The following ZNF324B variants were observed in gnomAD, a reference collection of about 807,000 sequenced individuals.
The protein encoded by ZNF324B is zinc finger protein 324B.
Under a neutral mutation model 10.6 loss-of-function variants are expected in ZNF324B, and 7 were observed. That is an observed-to-expected ratio of 0.66 (90% CI 0.38 to 1.24). The LOEUF (loss-of-function observed/expected upper bound fraction) is 1.24, where lower values mean the gene tolerates loss of function less well. ZNF324B is among the 50% of genes most tolerant of loss of function. The probability of loss-of-function intolerance (pLI) is 0.02; values close to 1 mark genes in which losing one functional copy is unlikely to be tolerated. For synonymous variants in ZNF324B, 316 were observed against 321.0 expected (o/e 0.98, Z 0.17); for missense variants, 640 against 764.7 (o/e 0.84, Z 1.92).
the ZNF324B span, chr19:58,432,973 A>ATT: frequency 5.6e-6 from 1 of 178,652 alleles, no homozygotes; most frequent in Non-Finnish European, 1.2e-5. Flanking sequence ...CTCAAATTAG[A>ATT]TTTCCCTCAA....
the ZNF324B span, among the ~76,000 whole-genome samples, chr19:58,446,036 G>T: frequency 1.2e-4 from 18 of 152,350 alleles, no homozygotes; most frequent in East Asian, 3.5e-3. Context: ...TCAGGAGGCT[G>T]AGGCAGGAGA....
In ZNF324B at chr19:58,455,493, G is replaced by C; in HGVS notation, c.549G>C (p.Arg183=). The change falls in exon 4 of 4, where the codon CGG becomes CGC. Residue 183 remains arginine (R), a synonymous_variant. Transcript: ENST00000336614. This position sits in a 1 kb window ranked among gnomAD's most constrained non-coding sequence, Gnocchi z 7.0. Reference sequence around the variant, plus strand: ...GGGAAAAGACCTTCACAGAGTACCGGGTGCCTGGGAGGCAGCCCAGGACGC... The same window carrying C: ...GGGAAAAGACCTTCACAGAGTACCGCGTGCCTGGGAGGCAGCCCAGGACGC... ...RPREKTFTEY[R]VPGRQPRTPE... 1 of 1,614,062 alleles carries C rather than the reference G, an allele frequency of 6.2e-7. No individual in the cohort carries two copies. Among genetic ancestry groups the C allele is most frequent in the Non-Finnish European group, 8.5e-7 (1 of 1,179,974 alleles).
chr19:58,432,223 C>G, the ZNF324B span: 1 of 474,642 alleles, frequency 2.1e-6, no homozygotes, highest in Non-Finnish European at 4.2e-6. Flanking sequence ...GCTCCCAGTT[C>G]CTACCTGGGG....
chr19:58,427,497 T>TTCCTTC, the ZNF324B span, among the ~76,000 whole-genome samples: 67 of 64,308 alleles, frequency 1.0e-3, no homozygotes, highest in Middle Eastern at 5.3e-3. Context: ...TTCCTTCCTT[T>TTCCTTC]CTTTCTTTTT....
chr19:58,440,222 C>G, the ZNF324B span: 2 of 268,794 alleles, frequency 7.4e-6, no homozygotes, highest in African/African-American at 4.7e-5. Context: ...TTCATTGGCT[C>G]AAGGATCCCC....
the ZNF324B span, chr19:58,444,775 G>T: frequency 3.9e-5 from 6 of 152,262 alleles, no homozygotes; most frequent in African/African-American, 1.4e-4. Context: ...AATTGCAAGT[G>T]TATTATGAGC....
the ZNF324B span, among the ~76,000 whole-genome samples, chr19:58,426,677 G>T: frequency 1.3e-5 from 2 of 152,186 alleles, no homozygotes; most frequent in Admixed American, 6.5e-5. Flanking sequence ...TGAAGGAGAG[G>T]TATAGCTGAT....
chr19:58,427,381 T>C, the ZNF324B span, among the ~76,000 whole-genome samples: 2,236 of 51,872 alleles, frequency 0.043, 181 homozygotes, highest in African/African-American at 0.17. Context: ...TTTCTTTCTT[T>C]CTTTCTTTCT....
Position 58,456,382 on chromosome 19 carries a change from C to T in ZNF324B, c.1438C>T (p.Pro480Ser), listed in dbSNP as rs1458421552. ...CCGGCGCATTCACACGGGCGAGAAG[C>T]CCTTCGTGTGCACGCAGTGTGGCCG... ...SHRRIHTGEK[P>S]FVCTQCGRAF... Residue 480 changes from proline to serine, a missense_variant, in exon 4 of 4, where the codon CCC (proline) becomes TCC (serine). Physicochemically the swap from Pro to Ser is moderately conservative, Grantham distance 74. This residue lies in a region of ZNF324B where 238 missense variants were observed against 258.0 expected (regional missense o/e 0.92). Coordinates refer to ENST00000336614, the MANE Select transcript of ZNF324B (RefSeq NM_207395.3). This position sits in a 1 kb window ranked among gnomAD's most constrained non-coding sequence, Gnocchi z 4.7. 2.5e-6 allele frequency: 4 copies of T among 1,612,974 alleles called. No homozygotes were observed. The highest frequency in any genetic ancestry group is 1.3e-5 in the African/African-American group (1 of 74,950).
the ZNF324B span, among the ~76,000 whole-genome samples, chr19:58,427,245 C>T: frequency 6.6e-6 from 1 of 151,894 alleles, no homozygotes; most frequent in Non-Finnish European, 1.5e-5. Context: ...ATTCTCCTGC[C>T]TCCTGAGTAG....
chr19:58,440,081 A>G, the ZNF324B span: 3 of 496,188 alleles, frequency 6.0e-6, no homozygotes, highest in Non-Finnish European at 1.1e-5. Context: ...CCCTGCACCC[A>G]CTCCCGTGCC....
intron 1 of ZNF324B, 63 bp from the exon 2 acceptor site, chr19:58,453,633 G>C: frequency 6.2e-7 from 1 of 1,611,006 alleles, no homozygotes; most frequent in Non-Finnish European, 8.5e-7. Flanking sequence ...GGGATGGGGA[G>C]CTTGGTCCTG....
chr19:58,453,623 G>A (rs2052883578), intron 1 of ZNF324B, 73 bp from the exon 2 acceptor site: 1 of 1,599,008 alleles, frequency 6.3e-7, no homozygotes, highest in African/African-American at 1.3e-5. Context: ...GGTGACTGTT[G>A]GGATGGGGAG....
chr19:58,432,211 C>T, the ZNF324B span: 2 of 449,738 alleles, frequency 4.4e-6, no homozygotes, highest in Admixed American at 5.1e-5. Flanking sequence ...TCACTTCTCT[C>T]AGCTCCCAGT....
chr19:58,454,176 G>A, intron 2 of ZNF324B, 52 bp from the exon 3 acceptor site: 2 of 1,171,750 alleles, frequency 1.7e-6, no homozygotes, highest in Non-Finnish European at 2.6e-6. Context: ...TCTCTGTTGG[G>A]AGGTGGGTTG....
chr19:58,437,212 T>C, the ZNF324B span: 5 of 1,587,762 alleles, frequency 3.1e-6, no homozygotes, highest in Admixed American at 1.8e-5. Flanking sequence ...GGCCAAGAAG[T>C]ATGCTGACAA....
chr19:58,445,289 CCAGCAATTTA>C, the ZNF324B span: 1 of 428,398 alleles, frequency 2.3e-6, no homozygotes, highest in Non-Finnish European at 4.5e-6. Context: ...CTATTTAGCA[CCAGCAATTTA>C]CAGCATTGTG....
At position 58,456,414 on chromosome 19, in the gene ZNF324B, C is replaced by G; in HGVS notation, c.1470C>G (p.Phe490Leu). The change falls in exon 4 of 4, where the codon TTC (phenylalanine) becomes TTG (leucine). Residue 490 changes from phenylalanine to leucine, a missense_variant. Phe to Leu is a conservative substitution (Grantham distance 22). Coordinates refer to ENST00000336614, the MANE Select transcript of ZNF324B (RefSeq NM_207395.3). This position sits in a 1 kb window ranked among gnomAD's most constrained non-coding sequence, Gnocchi z 4.7. ...PFVCTQCGRAFRERPALLHHQ... is the reference protein window; with the variant it reads ...PFVCTQCGRALRERPALLHHQ... ...TGTGCACGCAGTGTGGCCGCGCCTT[C>G]CGTGAGCGCCCTGCCCTCTTGCACC... 6.2e-7 allele frequency: 1 copy of G among 1,613,390 alleles called. No individual in the cohort carries two copies. Among genetic ancestry groups the G allele is most frequent in the Non-Finnish European group, 8.5e-7 (1 of 1,180,022 alleles).
At chr19:58,434,628 G>T in the ZNF324B span, 1 of 1,614,200 alleles carries the variant, frequency 6.2e-7, no homozygotes, top group South Asian at 1.1e-5. Context: ...TCTCCTCTAA[G>T]AAATTTCCAC....
Sources: gnomAD v4.1 joint callset for allele counts (sites outside exome capture counted in the v4.1 genomes callset) on GRCh38, gnomAD v4.1.1 for gene constraint, gnomAD v4.1.1 regional missense constraint, Gnocchi (gnomAD v3.1) non-coding constraint, MANE v1.5 for transcripts, NCBI Gene and HGNC (gene_info 2026-07-23, HGNC 2026-07-21) for gene names.